Variants in CCSER1 observed in about 807,000 individuals in gnomAD.
CCSER1 encodes the protein coiled-coil serine rich protein 1.
CCSER1 carries 41 observed loss-of-function variants against 82.0 expected under a neutral mutation model. The ratio of observed to expected loss-of-function variants is 0.50; its 90% CI spans 0.39 to 0.65. CCSER1 has a LOEUF of 0.65. Ranked by LOEUF, CCSER1 falls within the 30% of genes least tolerant of loss-of-function variation. The probability of loss-of-function intolerance (pLI) is 0.00; values close to 1 mark genes in which losing one functional copy is unlikely to be tolerated. For missense variants in CCSER1, 1,119 were observed against 1,064.2 expected (o/e 1.05, Z -0.72); for synonymous variants, 414 against 383.9 (o/e 1.08, Z -0.92).
chr4:91,561,627 A>C (rs952505204), intron 10 of CCSER1, among the ~76,000 whole-genome samples: 2 of 151,512 alleles, frequency 1.3e-5, no homozygotes, highest in Non-Finnish European at 3.0e-5. Context: ...ATGAGGGGAA[A>C]ATCTTGATCT....
intron 6 of CCSER1, among the ~76,000 whole-genome samples, chr4:90,701,289 G>T (rs573392601): frequency 9.9e-5 from 15 of 152,226 alleles, no homozygotes; most frequent in African/African-American, 3.6e-4. Flanking sequence ...AGATCAGATG[G>T]TTGTAGATGT....
intron 10 of CCSER1, among the ~76,000 whole-genome samples, chr4:91,260,550 A>G (rs1231995041): frequency 1.3e-5 from 2 of 152,166 alleles, no homozygotes; most frequent in Non-Finnish European, 2.9e-5. Context: ...TTGATCCCAA[A>G]TATGTAAACT....
chr4:90,628,609 A>T (rs997997299), intron 6 of CCSER1, among the ~76,000 whole-genome samples: 1 of 152,160 alleles, frequency 6.6e-6, no homozygotes, highest in Non-Finnish European at 1.5e-5. Flanking sequence ...TGTTTATATG[A>T]TACCATAAAA....
chr4:90,786,612 G>C (rs1044823044), intron 7 of CCSER1, among the ~76,000 whole-genome samples: 2 of 152,002 alleles, frequency 1.3e-5, no homozygotes, highest in African/African-American at 2.4e-5. Flanking sequence ...TACAAACAAA[G>C]TGTATTTTCC....
intron 7 of CCSER1, among the ~76,000 whole-genome samples, chr4:90,813,978 G>T (rs923068732): frequency 3.9e-5 from 6 of 152,144 alleles, no homozygotes; most frequent in African/African-American, 1.4e-4. Context: ...TTCTCCTTAA[G>T]GGCTCTACCC....
At chr4:90,705,743 G>A (rs1376396482) in intron 6 of CCSER1, among the ~76,000 whole-genome samples, 4 of 152,204 alleles carry the variant, frequency 2.6e-5, no homozygotes, top group South Asian at 2.1e-4. Context: ...AGCAATGAGC[G>A]AGGCTCCATG....
chr4:90,696,188 A>G (rs1366724517), intron 6 of CCSER1, among the ~76,000 whole-genome samples: 2 of 152,128 alleles, frequency 1.3e-5, no homozygotes, highest in Admixed American at 6.6e-5. Flanking sequence ...GTCAAGGTGA[A>G]TAATGTCTAT....
At chr4:91,384,873 G>T (rs915045306) in intron 10 of CCSER1, among the ~76,000 whole-genome samples, 1 of 151,920 alleles carries the variant, frequency 6.6e-6, no homozygotes. Flanking sequence ...TGAGAAAAAC[G>T]GAAAAGCAAA....
chr4:90,849,616 C>T (rs1184174049), intron 8 of CCSER1, among the ~76,000 whole-genome samples: 8 of 151,562 alleles, frequency 5.3e-5, no homozygotes, highest in South Asian at 2.1e-4. Context: ...GGTGAAACTC[C>T]GTCTCTACTA....
chr4:91,386,361 A>G (rs1751287131), intron 10 of CCSER1, among the ~76,000 whole-genome samples: 1 of 152,102 alleles, frequency 6.6e-6, no homozygotes, highest in South Asian at 2.1e-4. Context: ...TTGTTTAACA[A>G]CAGAATTCAT....
At chr4:91,552,894 G>C (rs1278631710) in intron 10 of CCSER1, among the ~76,000 whole-genome samples, 1 of 151,062 alleles carries the variant, frequency 6.6e-6, no homozygotes, top group South Asian at 2.1e-4. Context: ...GCTCTACATA[G>C]GATGTCCAAT....
At chr4:90,906,423 A>C (rs1725483637) in intron 8 of CCSER1, among the ~76,000 whole-genome samples, 1 of 152,070 alleles carries the variant, frequency 6.6e-6, no homozygotes, top group South Asian at 2.1e-4. Context: ...TAGTGATCTT[A>C]TTCTTGTCTC....
At chr4:91,103,288 A>G (rs371331834) in intron 10 of CCSER1, among the ~76,000 whole-genome samples, 5 of 152,200 alleles carry the variant, frequency 3.3e-5, no homozygotes, top group Non-Finnish European at 7.3e-5. Flanking sequence ...CCCATGAAAG[A>G]TGAGCACTTC....
At chr4:90,614,388 A>C (rs1720827295) in intron 5 of CCSER1, among the ~76,000 whole-genome samples, 1 of 152,202 alleles carries the variant, frequency 6.6e-6, no homozygotes, top group Non-Finnish European at 1.5e-5. Context: ...ATTTACGTGA[A>C]AAGCTGTAAA....
At chr4:91,086,091 A>G in intron 10 of CCSER1, 97 bp downstream of exon 10, 1 of 742,546 alleles carries the variant, frequency 1.3e-6, no homozygotes, top group South Asian at 1.7e-5. Flanking sequence ...TTACGTTGAT[A>G]ATGGAAATGG....
intron 1 of CCSER1, among the ~76,000 whole-genome samples, chr4:90,244,019 C>A (rs778751061): frequency 2.6e-5 from 4 of 151,958 alleles, no homozygotes; most frequent in African/African-American, 9.7e-5. Context: ...AGTGAATAAT[C>A]CCTTTTGTTT....
intron 9 of CCSER1, among the ~76,000 whole-genome samples, chr4:90,953,779 C>A (rs1045984861): frequency 1.3e-5 from 2 of 151,756 alleles, no homozygotes; most frequent in African/African-American, 4.8e-5. Context: ...ATAATTTCAT[C>A]CATAGTATAG....
intron 10 of CCSER1, among the ~76,000 whole-genome samples, chr4:91,449,153 C>T (rs1310110876): frequency 6.6e-6 from 1 of 151,976 alleles, no homozygotes; most frequent in Non-Finnish European, 1.5e-5. Flanking sequence ...GTAAATTATT[C>T]CTCATGCCAG....
intron 9 of CCSER1, among the ~76,000 whole-genome samples, chr4:91,022,506 A>G (rs1374922035): frequency 2.0e-5 from 3 of 152,112 alleles, no homozygotes; most frequent in South Asian, 2.1e-4. Context: ...ATGATTTATA[A>G]TCCTTTGGGT....
Sources: allele counts gnomAD v4.1 joint callset (sites outside exome capture counted in the v4.1 genomes callset), GRCh38; gene constraint gnomAD v4.1.1; transcripts MANE v1.5; gene names NCBI Gene and HGNC (gene_info 2026-07-23, HGNC 2026-07-21).